The following CCDC7 variants were observed in gnomAD, a reference collection of about 807,000 sequenced individuals.
CCDC7 encodes the protein coiled-coil domain-containing protein 7.
Under a neutral mutation model 196.9 loss-of-function variants are expected in CCDC7, and 183 were observed. The observed-to-expected ratio is 0.93, with a 90% CI of 0.82 to 1.05. The LOEUF is 1.05. Ranked by LOEUF, CCDC7 falls within the 50% of genes least tolerant of loss-of-function variation. CCDC7 has a pLI of 0.00. For synonymous variants in CCDC7, 525 were observed against 484.6 expected (o/e 1.08, Z -1.10); for missense variants, 1,540 against 1,482.2 (o/e 1.04, Z -0.64).
intron 15 of CCDC7, 143 bp from the exon 17 acceptor site, chr10:32,571,713 TATG>T (rs1262380400): frequency 3.1e-6 from 2 of 640,744 alleles, no homozygotes; most frequent in African/African-American, 3.8e-5. Context: ...AATGCTAAAA[TATG>T]ATAATTTCTT....
At chr10:32,681,122 G>A (rs1281336170) in intron 21 of CCDC7, among the ~76,000 whole-genome samples, 1 of 152,150 alleles carries the variant, frequency 6.6e-6, no homozygotes, top group Non-Finnish European at 1.5e-5. Flanking sequence ...GATTTTCCAG[G>A]AATTAGTCCT....
chr10:32,731,908 C>T (rs542138318), intron 28 of CCDC7, among the ~76,000 whole-genome samples: 4 of 152,200 alleles, frequency 2.6e-5, no homozygotes, highest in Admixed American at 2.0e-4. Context: ...AAAAAATTAG[C>T]GGCGCATGGT....
In CCDC7 at chr10:32,509,189, G is replaced by A. The variant is rs180973272; in HGVS notation, c.873-8756G>A. The stretch of plus-strand genomic sequence containing the variant: ...AAAGCTACAGTAATTAATACAGTAT[G>A]GTACTGGCATAAAATCAGACATATA... On this transcript the variant is annotated intron_variant, in intron 9 of 41. Transcript: ENST00000639629. 1.8e-3 allele frequency among the ~76,000 whole-genome samples: 273 copies of A among 152,150 alleles called. 3 individuals carry two copies. In the Middle Eastern group the frequency reaches 0.02, roughly 11 times the overall value.
intron 18 of CCDC7, among the ~76,000 whole-genome samples, chr10:32,619,910 C>CTTTTTTTTTTTTTTTTTTTTTTTT (rs56089046): frequency 5.0e-5 from 4 of 79,276 alleles, no homozygotes; most frequent in African/African-American, 2.6e-4. Flanking sequence ...TTCAATGTAC[C>CTTTTTTTTTTTTTTTTTTTTTTTT]TTTTTTTTTT....
chr10:32,512,004 C>A, intron 9 of CCDC7: 1 of 424,194 alleles, frequency 2.4e-6, no homozygotes. Context: ...TTTGGGGGAG[C>A]TAATAGACAT....
intron 9 of CCDC7, among the ~76,000 whole-genome samples, chr10:32,515,907 T>C (rs1436438295): frequency 1.3e-5 from 2 of 152,132 alleles, no homozygotes; most frequent in Non-Finnish European, 2.9e-5. Flanking sequence ...GAGCTAAAAC[T>C]ATAGGCATTT....
intron 24 of CCDC7, among the ~76,000 whole-genome samples, chr10:32,695,676 G>A (rs577016774): frequency 6.6e-6 from 1 of 152,280 alleles, no homozygotes; most frequent in South Asian, 2.1e-4. Flanking sequence ...CTTCATCTGG[G>A]AGTGTTGCTG....
intron 24 of CCDC7, among the ~76,000 whole-genome samples, chr10:32,703,122 C>G (rs1271450239): frequency 1.3e-5 from 2 of 152,174 alleles, no homozygotes; most frequent in Admixed American, 6.5e-5. Context: ...ATGGTCTTTA[C>G]AATTTGGCAT....
Position 32,583,316 on chromosome 10 carries a change from T to A in CCDC7, c.1728+9T>A, listed in dbSNP as rs1218114901. On this transcript the variant is annotated intron_variant, in intron 17 of 41. Coordinates refer to ENST00000639629, the Ensembl canonical transcript of CCDC7. ...TTACAGAAAGTAAAAAGGTATGATA[T>A]ATATAGAAACTTGAAAGCTGTTTAT... 4 of 1,224,722 alleles carry A rather than the reference T, an allele frequency of 3.3e-6. No individual in the cohort carries two copies. Among genetic ancestry groups the A allele is most frequent in the Non-Finnish European group, 4.1e-6 (4 of 981,430 alleles). 75.9% of individuals were successfully genotyped at this position (1,224,722 alleles called of 1,614,324 possible).
At chr10:32,563,781 A>G (rs557442081) in intron 13 of CCDC7, among the ~76,000 whole-genome samples, 1 of 152,168 alleles carries the variant, frequency 6.6e-6, no homozygotes, top group Non-Finnish European at 1.5e-5. Flanking sequence ...AATGGCAACA[A>G]AAGCCAAAAT....
chr10:32,592,272 A>C (rs906168779), intron 18 of CCDC7, among the ~76,000 whole-genome samples: 1 of 151,934 alleles, frequency 6.6e-6, no homozygotes. Context: ...CAATTTTGTC[A>C]GCCTTTTCAA....
intron 28 of CCDC7, among the ~76,000 whole-genome samples, chr10:32,761,391 A>G (rs2077447838): frequency 6.6e-6 from 1 of 151,978 alleles, no homozygotes; most frequent in South Asian, 2.1e-4. Context: ...ACCACTGGAT[A>G]CTCCTAATCA....
chr10:32,734,253 A>G (rs990139259), intron 28 of CCDC7, among the ~76,000 whole-genome samples: 9 of 152,208 alleles, frequency 5.9e-5, no homozygotes, highest in African/African-American at 1.9e-4. Flanking sequence ...TATGATTACT[A>G]TGCAGCCATA....
At chr10:32,626,072 T>C (rs2139307629) in intron 18 of CCDC7, among the ~76,000 whole-genome samples, 1 of 152,208 alleles carries the variant, frequency 6.6e-6, no homozygotes, top group South Asian at 2.1e-4. Context: ...TTTAAACTTT[T>C]GGTAAATACT....
chr10:32,860,715 G>T (rs1056035930), intron 41 of CCDC7, among the ~76,000 whole-genome samples: 1 of 151,426 alleles, frequency 6.6e-6, no homozygotes, highest in Non-Finnish European at 1.5e-5. Flanking sequence ...CTTCAGCAAA[G>T]TCTCAGGATA....
At position 32,472,558 on chromosome 10, in the gene CCDC7, A is replaced by T. The variant is rs769101728; in HGVS notation, c.739+16A>T. 1.2e-5 allele frequency: 18 copies of T among 1,537,224 alleles called. No homozygotes were observed. The South Asian group carries it at 2.4e-4, about 20-fold the overall frequency. On this transcript the variant is annotated intron_variant, in intron 7 of 41. Transcript: ENST00000639629. The stretch of plus-strand genomic sequence containing the variant: ...AAAATTGAAGGTGATAATATTTTAT[A>T]TATGTTTATCCTTAAAAATTTTATT...
At chr10:32,782,456 G>T (rs752799436) in intron 29 of CCDC7, among the ~76,000 whole-genome samples, 26 of 152,150 alleles carry the variant, frequency 1.7e-4, no homozygotes, top group Admixed American at 1.3e-4. Flanking sequence ...TCAAACTCCT[G>T]ACCTCAAGTG....
intron 41 of CCDC7, among the ~76,000 whole-genome samples, chr10:32,869,640 A>G (rs1055190078): frequency 6.6e-6 from 1 of 152,072 alleles, no homozygotes; most frequent in African/African-American, 2.4e-5. Context: ...GTCCTTGCCC[A>G]TGTCTATGTC....
chr10:32,817,031 C>T (rs887024887), intron 31 of CCDC7, among the ~76,000 whole-genome samples: 2 of 152,044 alleles, frequency 1.3e-5, no homozygotes, highest in Admixed American at 6.6e-5. Flanking sequence ...GATGATCAGA[C>T]TACTCTGAGC....
Sources: allele counts gnomAD v4.1 joint callset (sites outside exome capture counted in the v4.1 genomes callset), GRCh38; gene constraint gnomAD v4.1.1; transcripts MANE v1.5; gene names NCBI Gene and HGNC (gene_info 2026-07-23, HGNC 2026-07-21).